ROBO2: variants seen among roughly 807,000 people sequenced by gnomAD.
ROBO2 encodes the protein roundabout guidance receptor 2, also known as roundabout homolog 2.
Under a neutral mutation model 160.8 loss-of-function variants are expected in ROBO2, and 53 were observed. The observed-to-expected ratio is 0.33, with a 90% CI of 0.26 to 0.41. The LOEUF is 0.41. ROBO2 is among the 10% of genes least tolerant of loss of function. ROBO2 has a pLI of 1.00. For missense variants in ROBO2, 1,577 were observed against 1,722.4 expected (o/e 0.92, Z 1.49); for synonymous variants, 664 against 611.7 (o/e 1.09, Z -1.26).
chr3:76,747,401 G>A (rs1412075814), intron 2 of ROBO2, among the ~76,000 whole-genome samples: 2 of 151,864 alleles, frequency 1.3e-5, no homozygotes, highest in Non-Finnish European at 2.9e-5. Flanking sequence ...AATTTTAACT[G>A]TATATTTTTA....
intron 2 of ROBO2, among the ~76,000 whole-genome samples, chr3:77,410,617 T>TCCTCCTCCTCCTCCTCCTCCTC (rs2076668365): frequency 2.2e-4 from 4 of 18,192 alleles, no homozygotes; most frequent in Non-Finnish European, 4.9e-4. Flanking sequence ...TCTTCCTCCT[T>TCCTCCTCCTCCTCCTCCTCCTC]CTTCTCCTCC....
intron 2 of ROBO2, among the ~76,000 whole-genome samples, chr3:76,026,612 T>C (rs1008435204): frequency 1.3e-5 from 2 of 151,984 alleles, no homozygotes; most frequent in African/African-American, 4.8e-5. Context: ...GTATGTACTA[T>C]TGAATGTGTT....
chr3:76,746,068 G>A (rs570073924), intron 2 of ROBO2, among the ~76,000 whole-genome samples: 3 of 147,546 alleles, frequency 2.0e-5, no homozygotes, highest in East Asian at 2.0e-4. Context: ...CCACCTATGA[G>A]TGAGAATATA....
intron 2 of ROBO2, among the ~76,000 whole-genome samples, chr3:76,869,840 A>G (rs2071836461): frequency 1.3e-5 from 2 of 152,278 alleles, no homozygotes; most frequent in East Asian, 3.9e-4. Flanking sequence ...GACATGCAGT[A>G]AGATTTTGGA....
chr3:76,230,259 C>T (rs1400239955), intron 2 of ROBO2, among the ~76,000 whole-genome samples: 1 of 152,070 alleles, frequency 6.6e-6, no homozygotes, highest in Non-Finnish European at 1.5e-5. Flanking sequence ...CATCCACTAG[C>T]CCATAGCTTC....
intron 2 of ROBO2, among the ~76,000 whole-genome samples, chr3:75,971,745 C>T (rs1443332329): frequency 6.6e-6 from 1 of 151,378 alleles, no homozygotes; most frequent in African/African-American, 2.4e-5. Flanking sequence ...AGCATGTATA[C>T]ACCAATATAT....
chr3:76,217,353 CA>C (rs1467347481), intron 2 of ROBO2, among the ~76,000 whole-genome samples: 1 of 151,990 alleles, frequency 6.6e-6, no homozygotes, highest in Non-Finnish European at 1.5e-5. Flanking sequence ...AAAAACCTTT[CA>C]AAAAATCAAT....
At chr3:76,437,922 T>G (rs146966133) in intron 2 of ROBO2, among the ~76,000 whole-genome samples, 1 of 152,310 alleles carries the variant, frequency 6.6e-6, no homozygotes, top group East Asian at 1.9e-4. Flanking sequence ...TGAAATTCAT[T>G]GCGACAACAT....
intron 2 of ROBO2, among the ~76,000 whole-genome samples, chr3:77,300,864 A>G (rs1414270402): frequency 6.7e-6 from 1 of 150,342 alleles, no homozygotes; most frequent in Non-Finnish European, 1.5e-5. Flanking sequence ...TTATTTATTT[A>G]TTTATTTATT....
chr3:76,210,827 G>A (rs929401910), intron 2 of ROBO2, among the ~76,000 whole-genome samples: 5 of 151,920 alleles, frequency 3.3e-5, no homozygotes, highest in Non-Finnish European at 5.9e-5. Flanking sequence ...CTTATTTATC[G>A]ACATTCAGGG....
intron 21 of ROBO2, among the ~76,000 whole-genome samples, chr3:77,608,190 A>T (rs1261726523): frequency 6.6e-6 from 1 of 152,194 alleles, no homozygotes; most frequent in Non-Finnish European, 1.5e-5. Context: ...GATTGTCTGC[A>T]ATCATGATAA....
intron 2 of ROBO2, among the ~76,000 whole-genome samples, chr3:77,249,623 C>CT (rs869095436): frequency 7.0e-5 from 9 of 129,352 alleles, no homozygotes; most frequent in East Asian, 4.8e-4. Flanking sequence ...GAAGTTACAA[C>CT]TTTTTTTTTA....
intron 2 of ROBO2, among the ~76,000 whole-genome samples, chr3:77,188,033 ATGAG>A (rs1307110423): frequency 4.8e-5 from 7 of 146,868 alleles, no homozygotes; most frequent in Non-Finnish European, 8.8e-5. Flanking sequence ...AAGAAGGTGA[ATGAG>A]TAAGACCATA....
intron 1 of ROBO2, among the ~76,000 whole-genome samples, chr3:75,910,939 A>C (rs1310649741): frequency 1.3e-5 from 2 of 151,826 alleles, no homozygotes; most frequent in East Asian, 3.8e-4. Flanking sequence ...TAAAACCTTA[A>C]ATAATATTTA....
rs187040501 is a variant in ROBO2 at position 77,411,629 on chromosome 3, C to T, written c.389-65785C>T. Among the ~76,000 whole-genome samples the T allele has an allele frequency of 4.6e-5, 7 of 152,240 alleles. No homozygotes were observed. The East Asian group carries it at 1.4e-3, about 29-fold the overall frequency. On this transcript the variant is annotated intron_variant, in intron 2 of 25. Coordinates refer to ENST00000461745, the Ensembl canonical transcript of ROBO2. ...AGAAGAATAAAGGTGGTAAATTGAA[C>T]TTCTCCATTTTAAATAATTTGTGTA...
intron 15 of ROBO2, among the ~76,000 whole-genome samples, chr3:77,578,073 T>C (rs2093814788): frequency 6.6e-6 from 1 of 152,136 alleles, no homozygotes; most frequent in Admixed American, 6.6e-5. Context: ...GCTACTTTTG[T>C]GTATTTATTG....
At chr3:76,245,092 C>G (rs1305326195) in intron 2 of ROBO2, among the ~76,000 whole-genome samples, 1 of 152,182 alleles carries the variant, frequency 6.6e-6, no homozygotes, top group East Asian at 1.9e-4. Context: ...CAATTTGCCT[C>G]TTTAAAATGG....
intron 2 of ROBO2, among the ~76,000 whole-genome samples, chr3:77,006,848 C>T (rs2061606196): frequency 6.6e-6 from 1 of 151,820 alleles, no homozygotes; most frequent in Admixed American, 6.6e-5. Context: ...TTAAAAACTG[C>T]TCAATATATT....
At chr3:76,999,437 G>A (rs1478353164) in intron 2 of ROBO2, among the ~76,000 whole-genome samples, 1 of 152,112 alleles carries the variant, frequency 6.6e-6, no homozygotes, top group Non-Finnish European at 1.5e-5. Flanking sequence ...CAACATGCCT[G>A]CTGTTATTTA....
Sources: allele counts gnomAD v4.1 joint callset (sites outside exome capture counted in the v4.1 genomes callset), GRCh38; gene constraint gnomAD v4.1.1; transcripts MANE v1.5; gene names NCBI Gene and HGNC (gene_info 2026-07-23, HGNC 2026-07-21).